NEURL1: variants seen among roughly 807,000 people sequenced by gnomAD.
NEURL1 encodes neuralized E3 ubiquitin protein ligase 1.
NEURL1 carries 26 observed loss-of-function variants against 41.2 expected under a neutral mutation model. That is an observed-to-expected ratio of 0.63 (90% CI 0.46 to 0.87). The LOEUF is 0.87. NEURL1 is among the 40% of genes least tolerant of loss of function. The pLI is 0.00. For synonymous variants in NEURL1, 400 were observed against 402.3 expected (o/e 0.99, Z 0.07); for missense variants, 761 against 871.1 (o/e 0.87, Z 1.59).
At chr10:103,532,134 AT>A (rs1032921929) in intron 1 of NEURL1, among the ~76,000 whole-genome samples, 3 of 152,114 alleles carry the variant, frequency 2.0e-5, no homozygotes, top group African/African-American at 7.2e-5. Flanking sequence ...TTATTTTCTT[AT>A]CCGTTCAGGC....
intron 1 of NEURL1, among the ~76,000 whole-genome samples, chr10:103,496,139 G>C (rs1024094919): frequency 6.6e-6 from 1 of 151,854 alleles, no homozygotes; most frequent in African/African-American, 2.4e-5. Context: ...TCAGTTTGTT[G>C]ACCTTGTAAT....
intron 1 of NEURL1, among the ~76,000 whole-genome samples, chr10:103,559,120 C>G (rs527962980): frequency 6.6e-6 from 1 of 152,254 alleles, no homozygotes; most frequent in Non-Finnish European, 1.5e-5. Context: ...CCCCACTTAC[C>G]GTTCTTGGGT....
At chr10:103,561,466 G>A (rs2035291144) in intron 1 of NEURL1, among the ~76,000 whole-genome samples, 1 of 152,132 alleles carries the variant, frequency 6.6e-6, no homozygotes, top group South Asian at 2.1e-4. Flanking sequence ...GTTTTATCAT[G>A]TTGGCCAGGC....
intron 1 of NEURL1, among the ~76,000 whole-genome samples, chr10:103,524,581 T>C (rs955834341): frequency 6.6e-6 from 1 of 152,218 alleles, no homozygotes; most frequent in African/African-American, 2.4e-5. Context: ...GTTTTGGGTC[T>C]TACATTTAAG....
intron 4 of NEURL1, 38 bp downstream of exon 4, chr10:103,585,263 C>T: frequency 6.9e-7 from 1 of 1,444,604 alleles, no homozygotes; most frequent in Non-Finnish European, 9.1e-7. Flanking sequence ...TATGCCTTTC[C>T]TGGAGGCGGG....
chr10:103,509,631 C>T lies in NEURL1; in HGVS notation c.85+15159C>T, dbSNP rs115461226. On this transcript the variant is annotated intron_variant, in intron 1 of 5. Transcript: ENST00000369780. Reference sequence around the variant, plus strand: ...GTCTTATATGTGATCTGTCATTGAACGAAATGTCATTGTGCGGCTCATTTC... The same window carrying T: ...GTCTTATATGTGATCTGTCATTGAATGAAATGTCATTGTGCGGCTCATTTC... Among the ~76,000 whole-genome samples the T allele has an allele frequency of 7.9e-3, 1,197 of 152,272 alleles. 11 individuals are homozygous for T. The highest frequency in any genetic ancestry group is 0.027 in the African/African-American group (1,120 of 41,554).
At chr10:103,534,005 C>T (rs1337686075) in intron 1 of NEURL1, among the ~76,000 whole-genome samples, 4 of 152,012 alleles carry the variant, frequency 2.6e-5, no homozygotes. Context: ...GAGAATCTTT[C>T]TTCTGCTTGA....
At position 103,500,547 on chromosome 10, in the gene NEURL1, G is replaced by A. The variant is rs150462243; in HGVS notation, c.85+6075G>A. ...AGAGAGATGGGGGAGTAATTTTTGCGTCTCTGGACAGAGCCCCAGGGCCGG... is the reference window on the plus strand; with the variant it reads ...AGAGAGATGGGGGAGTAATTTTTGCATCTCTGGACAGAGCCCCAGGGCCGG... On this transcript the variant is annotated intron_variant, in intron 1 of 5. Transcript: ENST00000369780. Among the ~76,000 whole-genome samples the A allele has an allele frequency of 4.6e-3, 693 of 152,280 alleles. 4 individuals carry two copies. Among genetic ancestry groups the A allele is most frequent in the Middle Eastern group, 0.017 (5 of 294 alleles).
At position 103,584,705 on chromosome 10, in the gene NEURL1, C is replaced by T. The variant is rs758497032; in HGVS notation, c.819C>T (p.Ile273=). ...CCGCGCCGGCCGCCGGCTGCCCCAT[C>T]CCGCAGAACTCACTCAACTCGCAGC... The part of the protein sequence containing the change: ...DEAAPAAGCP[I]PQNSLNSQHS... Residue 273 remains isoleucine (I), a synonymous_variant, in exon 4 of 6, where the codon ATC becomes ATT. Transcript: ENST00000369780. 1.4e-4 allele frequency: 197 copies of T among 1,455,350 alleles called. No homozygotes were observed. Among genetic ancestry groups the T allele is most frequent in the Middle Eastern group, 1.8e-4 (1 of 5,658 alleles). The allele number at this position is 1,455,350 out of a possible 1,614,324, so 90.2% of individuals were successfully genotyped here. A position where few individuals can be genotyped will look rare whatever the true frequency, so the allele number is the denominator to read the frequency against.
intron 1 of NEURL1, chr10:103,494,784 G>A (rs2033644249): frequency 6.0e-6 from 2 of 331,338 alleles, no homozygotes; most frequent in South Asian, 5.6e-5. Flanking sequence ...GGAGTGGGGA[G>A]TGAGGAGGGA....
chr10:103,513,532 C>T (rs552195088), intron 1 of NEURL1, among the ~76,000 whole-genome samples: 5 of 152,332 alleles, frequency 3.3e-5, no homozygotes, highest in South Asian at 2.1e-4. Context: ...TCACAGACTG[C>T]GGACAGCCGC....
intron 1 of NEURL1, among the ~76,000 whole-genome samples, chr10:103,550,254 A>C: frequency 6.6e-6 from 1 of 152,176 alleles, no homozygotes. Flanking sequence ...AGGGAAGAGG[A>C]GCTGTCTGAA....
At chr10:103,527,987 A>C (rs1189932705) in intron 1 of NEURL1, among the ~76,000 whole-genome samples, 1 of 152,160 alleles carries the variant, frequency 6.6e-6, no homozygotes, top group East Asian at 1.9e-4. Context: ...TGGGAGGCCG[A>C]GGTGGACCAA....
Position 103,502,004 on chromosome 10 carries a change from C to T in NEURL1, c.85+7532C>T, listed in dbSNP as rs537350851. ...CTAGATTCAAACTCCCGGGCTCAAG[C>T]GATCCTCCTGCTTCAGCCTCCTGAG... is the stretch of plus-strand genomic sequence containing the variant. On this transcript the variant is annotated intron_variant, in intron 1 of 5. Transcript: ENST00000369780. 1.8e-4 allele frequency among the ~76,000 whole-genome samples: 27 copies of T among 151,920 alleles called. No individual in the cohort carries two copies. In the South Asian group the frequency reaches 2.1e-3, roughly 12 times the overall value.
rs3068767 is a variant in NEURL1 at position 103,558,503 on chromosome 10, CTGTGTGTGTGTGTGTG to C, written c.86-12339_86-12324del. ...GTGGTACTCTGTGCCTGTGCCATGC[CTGTGTGTGTGTGTGTG>C]TGTGTGTGTGTGTGTGTGTGTGTGT... On this transcript the variant is annotated intron_variant, in intron 1 of 5. Coordinates refer to ENST00000369780, the MANE Select transcript of NEURL1 (RefSeq NM_004210.5). This position sits in a 1 kb window ranked among gnomAD's most constrained non-coding sequence, Gnocchi z 4.2. 8.3e-5 allele frequency among the ~76,000 whole-genome samples: 11 copies of C among 131,998 alleles called. No homozygotes were observed. Among genetic ancestry groups the C allele is most frequent in the East Asian group, 6.8e-4 (3 of 4,390 alleles). 86.6% of individuals were successfully genotyped at this position (131,998 alleles called of 152,430 possible).
At chr10:103,564,930 G>A (rs1027317970) in intron 1 of NEURL1, among the ~76,000 whole-genome samples, 1 of 152,134 alleles carries the variant, frequency 6.6e-6, no homozygotes, top group African/African-American at 2.4e-5. Flanking sequence ...GGGTAGGAGG[G>A]GGGTCACCCT....
At chr10:103,540,400 C>T (rs1458527626) in intron 1 of NEURL1, among the ~76,000 whole-genome samples, 1 of 152,124 alleles carries the variant, frequency 6.6e-6, no homozygotes, top group African/African-American at 2.4e-5. Flanking sequence ...AGTGATTCTC[C>T]TGCCTCAGCC....
chr10:103,537,963 A>T (rs1416566066), intron 1 of NEURL1, among the ~76,000 whole-genome samples: 1 of 152,110 alleles, frequency 6.6e-6, no homozygotes, highest in African/African-American at 2.4e-5. Flanking sequence ...ACTATAGATT[A>T]GTTTACAGTT....
chr10:103,577,515 T>G (rs1042319919), intron 3 of NEURL1: 4 of 152,708 alleles, frequency 2.6e-5, no homozygotes, highest in African/African-American at 9.6e-5. Flanking sequence ...AGCTGGCAGT[T>G]GGTGGAGCTG....
Sources: gnomAD v4.1 joint callset for allele counts (sites outside exome capture counted in the v4.1 genomes callset) on GRCh38, gnomAD v4.1.1 for gene constraint, Gnocchi (gnomAD v3.1) non-coding constraint, MANE v1.5 for transcripts, NCBI Gene and HGNC (gene_info 2026-07-23, HGNC 2026-07-21) for gene names.